STARD9: variants seen among roughly 807,000 people sequenced by gnomAD.
STARD9 encodes StAR related lipid transfer domain containing 9.
In STARD9, 346 loss-of-function variants were observed where a neutral mutation model predicts 399.8. That is an observed-to-expected ratio of 0.87 (90% CI 0.79 to 0.95). The LOEUF (loss-of-function observed/expected upper bound fraction) is 0.95, where lower values mean the gene tolerates loss of function less well. STARD9 is among the 40% of genes least tolerant of loss of function. STARD9 has a pLI of 0.00. For synonymous variants in STARD9, 2,203 were observed against 2,143.5 expected, an observed-to-expected ratio of 1.03 and a Z score of -0.77; for missense variants, 5,832 against 5,667.5, an observed-to-expected ratio of 1.03 and a Z score of -0.93.
chr15:42,712,081 TTA>T (rs1555410909), intron 26 of STARD9, among the ~76,000 whole-genome samples: 2 of 39,130 alleles, frequency 5.1e-5, no homozygotes, highest in Admixed American at 3.7e-4. Flanking sequence ...TATATATATA[TTA>T]TATATATATA....
At chr15:42,611,644 T>C (rs2058852076) in intron 3 of STARD9, among the ~76,000 whole-genome samples, 1 of 152,228 alleles carries the variant, frequency 6.6e-6, no homozygotes, top group African/African-American at 2.4e-5. Context: ...ACTGCTAACA[T>C]GTCCACTTCT....
intron 3 of STARD9, among the ~76,000 whole-genome samples, chr15:42,616,598 A>G: frequency 6.6e-6 from 1 of 152,116 alleles, no homozygotes; most frequent in Non-Finnish European, 1.5e-5. Context: ...TCTCATAGGA[A>G]AGTTAGAGAA....
At chr15:42,714,058 A>ATTTTT (rs35057586) in intron 26 of STARD9, among the ~76,000 whole-genome samples, 6 of 119,174 alleles carry the variant, frequency 5.0e-5, no homozygotes, top group African/African-American at 7.0e-5. Context: ...ATGCACTAAG[A>ATTTTT]TTTTTTTTTT....
chr15:42,702,506 G>A (rs1224875410), intron 26 of STARD9, among the ~76,000 whole-genome samples: 2 of 152,066 alleles, frequency 1.3e-5, no homozygotes, highest in Admixed American at 6.6e-5. Flanking sequence ...CCGGCCTGTT[G>A]TTATTATTTT....
intron 3 of STARD9, among the ~76,000 whole-genome samples, chr15:42,596,613 C>G (rs1391008997): frequency 6.6e-6 from 1 of 152,174 alleles, no homozygotes; most frequent in Non-Finnish European, 1.5e-5. Context: ...TCCAAGTACC[C>G]TCTTAACCCC....
rs776240532 is a variant in STARD9, at chr15:42,686,902, C to T, written c.5324C>T (p.Pro1775Leu). ...AGAGAAGTAAGGGTACCCTCCCCAC[C>T]CCCCAGGGAAGCCTGGGGCTTTGGT... ...ACREVRVPSP[P>L]PREAWGFGHN... Residue 1775 changes from proline (P) to leucine (L), a missense_variant, in exon 23 of 33, where the codon CCC becomes CTC. Pro to Leu is a moderately conservative substitution (Grantham distance 98). Coordinates refer to ENST00000290607, the MANE Select transcript of STARD9 (RefSeq NM_020759.3). 1.3e-6 allele frequency: 2 copies of T among 1,536,704 alleles called. No homozygotes were observed. Among genetic ancestry groups the T allele is most frequent in the South Asian group, 1.2e-5 (1 of 84,052 alleles).
chr15:42,666,093 G>A (rs1192153434), intron 15 of STARD9, among the ~76,000 whole-genome samples: 2 of 152,202 alleles, frequency 1.3e-5, no homozygotes, highest in Non-Finnish European at 2.9e-5. Context: ...AGAGTAGCCT[G>A]GGGGCAAAAG....
rs958079157 is a variant in STARD9, at chr15:42,623,041, C to T, written c.235-11815C>T. Reference sequence around the variant, plus strand: ...CGGAAGCAGGCAGATCACCTGAGGTCGGGAGTTTGAAACCAGCCAGACCAA... The same window carrying T: ...CGGAAGCAGGCAGATCACCTGAGGTTGGGAGTTTGAAACCAGCCAGACCAA... On this transcript the variant is annotated intron_variant, in intron 3 of 32. Transcript: ENST00000290607. 3.3e-5 allele frequency among the ~76,000 whole-genome samples: 5 copies of T among 152,114 alleles called. No homozygotes were observed. In the East Asian group the frequency reaches 5.8e-4, roughly 18 times the overall value.
chr15:42,607,651 T>TACACACACACACACAC (rs10655556), intron 3 of STARD9, among the ~76,000 whole-genome samples: 84 of 143,774 alleles, frequency 5.8e-4, no homozygotes, highest in African/African-American at 2.1e-3. Context: ...CACACACTTA[T>TACACACACACACACAC]ACACACACAC....
intron 3 of STARD9, among the ~76,000 whole-genome samples, chr15:42,598,862 G>A (rs1028850963): frequency 6.6e-6 from 1 of 152,060 alleles, no homozygotes; most frequent in East Asian, 1.9e-4. Flanking sequence ...TGAAGTGAAA[G>A]GCTACTTTTA....
intron 30 of STARD9, 85 bp from the exon 31 acceptor site, chr15:42,718,350 T>TG (rs2061389487): frequency 1.6e-6 from 2 of 1,287,468 alleles, no homozygotes; most frequent in Non-Finnish European, 2.2e-6. Context: ...GATGGGGTGT[T>TG]GGGGGGAGGG....
intron 3 of STARD9, among the ~76,000 whole-genome samples, chr15:42,607,194 C>CT (rs763484090): frequency 0.04 from 1,588 of 39,254 alleles, 421 homozygotes; most frequent in Admixed American, 0.15. Context: ...TTTTCTGGTG[C>CT]TTTTTTTTTT....
intron 1 of STARD9, chr15:42,581,376 G>T (rs2058165855): frequency 6.8e-7 from 1 of 1,479,314 alleles, no homozygotes; most frequent in Non-Finnish European, 9.4e-7. Context: ...CGTCCCCTCG[G>T]GCGTGGTGCA....
At chr15:42,660,560 C>T (rs368401298) in intron 9 of STARD9, among the ~76,000 whole-genome samples, 137 of 145,804 alleles carry the variant, frequency 9.4e-4, no homozygotes, top group Non-Finnish European at 1.2e-3. Context: ...AGCAAAACTC[C>T]GGCTCAAAAA....
rs1286496662 is a variant in STARD9, at chr15:42,682,142, A to G, written c.2104A>G (p.Ser702Gly). ...CLLREETWLASLQQQQQEDQV... is the reference protein window; with the variant it reads ...CLLREETWLAGLQQQQQEDQV... The stretch of plus-strand genomic sequence containing the variant: ...GCTCAGAGAAGAGACCTGGCTGGCC[A>G]GCTTGCAACAGCAGCAGCAAGAAGA... The change falls in exon 22 of 33, where the codon AGC (serine) becomes GGC (glycine). Residue 702 changes from serine (S) to glycine (G), a missense_variant. Physicochemically the swap from Ser to Gly is moderately conservative, Grantham distance 56. Around this residue, in one of 2 missense-constraint regions of STARD9, gnomAD observed 5,828 missense variants for 5,651.1 expected, o/e 1.03. Transcript: ENST00000290607. 1 of 1,537,214 alleles carries G rather than the reference A, an allele frequency of 6.5e-7. No individual in the cohort carries two copies. The highest frequency in any genetic ancestry group is 1.2e-5 in the South Asian group (1 of 84,060).
Position 42,640,678 on chromosome 15 carries a change from C to T in STARD9, c.559+1866C>T, listed in dbSNP as rs186290703. Among the ~76,000 whole-genome samples the T allele has an allele frequency of 2.4e-3, 368 of 151,938 alleles. 1 individual carries two copies. The highest frequency in any genetic ancestry group is 4.1e-3 in the Non-Finnish European group (278 of 67,958). On this transcript the variant is annotated intron_variant, in intron 7 of 32. Transcript: ENST00000290607. ...CTACTAAAAATTCAAAAAAATTAGC[C>T]GGGCGTGTGGCACACACCTATAGTC...
chr15:42,579,621 T>C (rs966231602), intron 1 of STARD9, among the ~76,000 whole-genome samples: 4 of 151,724 alleles, frequency 2.6e-5, no homozygotes, highest in African/African-American at 9.7e-5. Context: ...AAATTCAGAG[T>C]ACGATAGGAA....
rs1288760944 is a variant in STARD9 at position 42,688,781 on chromosome 15, T to G, written c.7203T>G (p.Ser2401=). ...AAGGAAATGTTAGAGGGCGTTCCTC[T>G]GAGGCACACACTGCCTGGTGTGGGT... ...SPEGNVRGRS[S]EAHTAWCGSV... is the part of the protein sequence containing the mutation. Residue 2401 remains serine (S), a synonymous_variant, in exon 23 of 33, where the codon TCT becomes TCG. Coordinates refer to ENST00000290607, the MANE Select transcript of STARD9 (RefSeq NM_020759.3). 6.5e-7 allele frequency: 1 copy of G among 1,537,550 alleles called. No homozygotes were observed. Among genetic ancestry groups the G allele is most frequent in the East Asian group, 2.4e-5 (1 of 40,914 alleles).
chr15:42,649,474 T>C (rs969239449), intron 7 of STARD9, among the ~76,000 whole-genome samples: 2 of 152,266 alleles, frequency 1.3e-5, no homozygotes, highest in African/African-American at 4.8e-5. Context: ...TACAGTATTA[T>C]TTCTCAGATA....
Sources: gnomAD v4.1 joint callset for allele counts (sites outside exome capture counted in the v4.1 genomes callset) on GRCh38, gnomAD v4.1.1 for gene constraint, gnomAD v4.1.1 regional missense constraint, MANE v1.5 for transcripts, NCBI Gene and HGNC (gene_info 2026-07-23, HGNC 2026-07-21) for gene names.